PSD3: variants seen among roughly 807,000 people sequenced by gnomAD.
The protein encoded by PSD3 is pleckstrin and Sec7 domain containing 3.
In PSD3, 49 loss-of-function variants were observed where a neutral mutation model predicts 105.5. The observed-to-expected ratio is 0.46, with a 90% confidence interval of 0.37 to 0.59. The LOEUF is 0.59. Among genes scored for constraint, PSD3 ranks in the 20% least tolerant of loss-of-function variants. The probability of loss-of-function intolerance (pLI) is 0.00; values close to 1 mark genes in which losing one functional copy is unlikely to be tolerated. For synonymous variants in PSD3, 557 were observed against 457.8 expected (o/e 1.22, Z -2.77); for missense variants, 1,561 against 1,263.8 (o/e 1.24, Z -3.57).
chr8:18,921,608 A>AG (rs1458631908), intron 2 of PSD3, among the ~76,000 whole-genome samples: 2 of 152,196 alleles, frequency 1.3e-5, no homozygotes, highest in Non-Finnish European at 2.9e-5. Context: ...AAAAAATGGC[A>AG]GGTTTCTGGG....
chr8:18,790,165 GTGCATGATTAAAC>G (rs1318554021), intron 8 of PSD3, among the ~76,000 whole-genome samples: 1 of 152,090 alleles, frequency 6.6e-6, no homozygotes, highest in African/African-American at 2.4e-5. Flanking sequence ...AAATTGACCA[GTGCATGATTAAAC>G]TATGGCATAC....
intron 1 of PSD3, among the ~76,000 whole-genome samples, chr8:18,972,484 G>A (rs1317572434): frequency 6.6e-6 from 1 of 152,174 alleles, no homozygotes; most frequent in Non-Finnish European, 1.5e-5. Context: ...CCCGGAACAA[G>A]TTTCACAACA....
rs778595031 is a variant in PSD3, at chr8:18,556,290, G to T, written c.2847C>A (p.His949Gln). The T allele has an allele frequency of 1.9e-6, 3 of 1,613,822 alleles. No individual in the cohort carries two copies. Among genetic ancestry groups the T allele is most frequent in the African/African-American group, 1.3e-5 (1 of 74,866 alleles). ...CCTTCTTGTCGGGGGGATATGAGCGGTGCTCGGCCAGCTCGGTGGTGATCT... is the reference window on the plus strand; with the variant it reads ...CCTTCTTGTCGGGGGGATATGAGCGTTGCTCGGCCAGCTCGGTGGTGATCT... ...LKQITTELAE[H>Q]RSYPPDKKVK... is the part of the protein sequence containing the mutation. Residue 949 changes from histidine (H) to glutamine (Q), a missense_variant, in exon 15 of 16, where the codon CAC (histidine) becomes CAA (glutamine). Transcript: ENST00000327040.
intron 11 of PSD3, among the ~76,000 whole-genome samples, chr8:18,609,251 A>AC (rs1333657347): frequency 6.6e-6 from 1 of 152,220 alleles, no homozygotes; most frequent in East Asian, 1.9e-4. Context: ...TCAGGGCCTC[A>AC]CCAAGAGTCT....
intron 9 of PSD3, among the ~76,000 whole-genome samples, chr8:18,710,479 G>A (rs1373083471): frequency 6.6e-6 from 1 of 152,102 alleles, no homozygotes; most frequent in African/African-American, 2.4e-5. Flanking sequence ...TATTCACATT[G>A]AGGAAACCCA....
chr8:18,603,913 T>C (rs569412359), intron 11 of PSD3, among the ~76,000 whole-genome samples: 5 of 152,316 alleles, frequency 3.3e-5, no homozygotes, highest in Middle Eastern at 3.4e-3. Flanking sequence ...AACATCATGC[T>C]TCCTGTACAG....
intron 4 of PSD3, among the ~76,000 whole-genome samples, chr8:18,866,050 T>C (rs17127367): frequency 0.1 from 15,183 of 152,170 alleles, 917 homozygotes; most frequent in African/African-American, 0.16. Context: ...CAGTGAAGCC[T>C]CTTAGCCCAA....
Position 18,632,676 on chromosome 8 carries a change from C to A in PSD3, c.2347G>T (p.Ala783Ser). 1 of 1,612,780 alleles carries A rather than the reference C, an allele frequency of 6.2e-7. No homozygotes were observed. The highest frequency in any genetic ancestry group is 8.5e-7 in the Non-Finnish European group (1 of 1,179,136). Reference protein sequence around the residue: ...PFLDIPHDPNAAVYKSGFLAR... With the variant: ...PFLDIPHDPNSAVYKSGFLAR... The stretch of plus-strand genomic sequence containing the variant: ...AAGAATCCACTTTTGTACACAGCAG[C>A]ATTTGGATCATGAGGAATGTCCAAA... The change falls in exon 11 of 16, where the codon GCT (alanine) becomes TCT (serine). Residue 783 changes from alanine (A) to serine (S), a missense_variant. Coordinates refer to ENST00000327040, the MANE Select transcript of PSD3 (RefSeq NM_015310.4).
intron 15 of PSD3, among the ~76,000 whole-genome samples, chr8:18,538,518 C>T (rs116934356): frequency 6.6e-6 from 1 of 152,212 alleles, no homozygotes; most frequent in South Asian, 2.1e-4. Context: ...AGAACTACCC[C>T]CAACAGAAAC....
intron 2 of PSD3, among the ~76,000 whole-genome samples, chr8:18,880,690 C>G (rs1818047763): frequency 6.6e-6 from 1 of 152,174 alleles, no homozygotes; most frequent in South Asian, 2.1e-4. Context: ...TTACACCAAA[C>G]TTGAAACTTG....
chr8:18,727,666 A>G (rs149229143), intron 9 of PSD3, among the ~76,000 whole-genome samples: 1 of 151,736 alleles, frequency 6.6e-6, no homozygotes, highest in Non-Finnish European at 1.5e-5. Flanking sequence ...GCTGGCTATC[A>G]TTACCCATAT....
chr8:18,749,746 T>A (rs562830624), intron 9 of PSD3, among the ~76,000 whole-genome samples: 1 of 152,098 alleles, frequency 6.6e-6, no homozygotes, highest in African/African-American at 2.4e-5. Flanking sequence ...TGAGAAGAAC[T>A]TGGGCCATCT....
chr8:19,032,682 T>C (rs1268858996), intron 1 of PSD3, among the ~76,000 whole-genome samples: 2 of 151,098 alleles, frequency 1.3e-5, no homozygotes, highest in South Asian at 2.1e-4. Flanking sequence ...GGAATCCAAG[T>C]TGATTTATGT....
intron 8 of PSD3, among the ~76,000 whole-genome samples, chr8:18,780,017 G>C (rs1435681647): frequency 1.3e-5 from 2 of 152,174 alleles, no homozygotes; most frequent in African/African-American, 4.8e-5. Context: ...CTGAGAGTCA[G>C]TTGTTGAAGA....
chr8:18,705,959 C>T (rs191039882), intron 9 of PSD3, among the ~76,000 whole-genome samples: 1 of 152,170 alleles, frequency 6.6e-6, no homozygotes, highest in African/African-American at 2.4e-5. Context: ...CCAAGGAAAG[C>T]TTCCTACTCC....
intron 14 of PSD3, among the ~76,000 whole-genome samples, 175 bp from the exon 15 acceptor site, chr8:18,556,527 A>G (rs1801084966): frequency 6.6e-6 from 1 of 152,188 alleles, no homozygotes; most frequent in African/African-American, 2.4e-5. Flanking sequence ...CATATTTCAT[A>G]TATTCCTTCC....
At chr8:19,040,684 G>A (rs1249336629) in intron 1 of PSD3, among the ~76,000 whole-genome samples, 1 of 152,228 alleles carries the variant, frequency 6.6e-6, no homozygotes, top group Non-Finnish European at 1.5e-5. Flanking sequence ...GCTGCAATCA[G>A]CCAGGTGAGA....
chr8:18,886,481 C>G (rs895292681), intron 2 of PSD3, among the ~76,000 whole-genome samples: 131 of 151,994 alleles, frequency 8.6e-4, no homozygotes, highest in African/African-American at 3.0e-3. Context: ...CTGGGACGCT[C>G]GAAAGACAAG....
intron 9 of PSD3, among the ~76,000 whole-genome samples, chr8:18,726,977 T>C (rs1803371934): frequency 6.6e-6 from 1 of 152,126 alleles, no homozygotes; most frequent in African/African-American, 2.4e-5. Flanking sequence ...GAGGATCACC[T>C]GAAGTCAGGA....
Sources: gnomAD v4.1 joint callset for allele counts (sites outside exome capture counted in the v4.1 genomes callset) on GRCh38, gnomAD v4.1.1 for gene constraint, MANE v1.5 for transcripts, NCBI Gene and HGNC (gene_info 2026-07-23, HGNC 2026-07-21) for gene names.